Variants in SPTBN5 observed in about 807,000 individuals in gnomAD.
SPTBN5 encodes spectrin beta, non-erythrocytic 5, also known as spectrin beta chain, non-erythrocytic 5.
Under a neutral mutation model 477.6 loss-of-function variants are expected in SPTBN5, and 513 were observed. The ratio of observed to expected loss-of-function variants is 1.07; its 90% CI spans 1.00 to 1.16. The LOEUF (loss-of-function observed/expected upper bound fraction) is 1.16, where lower values mean the gene tolerates loss of function less well. Among genes scored for constraint, SPTBN5 ranks in the 50% most tolerant of loss-of-function variants. The pLI, the probability that SPTBN5 is intolerant of heterozygous loss-of-function variation, is 0.00. For synonymous variants in SPTBN5, 2,169 were observed against 2,011.7 expected, an observed-to-expected ratio of 1.08 and a Z score of -2.09; for missense variants, 5,062 against 4,731.8, an observed-to-expected ratio of 1.07 and a Z score of -2.05.
chr15:41,876,656 CGG>C lies in SPTBN5; in HGVS notation c.3852-11_3852-10del, dbSNP rs371773496. The C allele has an allele frequency of 5.7e-5, 40 of 702,900 alleles. No individual in the cohort carries two copies. Among genetic ancestry groups the C allele is most frequent in the Non-Finnish European group, 8.1e-5 (37 of 455,182 alleles). 43.5% of individuals were successfully genotyped at this position (702,900 alleles called of 1,614,324 possible). A position where few individuals can be genotyped will look rare whatever the true frequency, so the allele number is the denominator to read the frequency against. On this transcript the variant is annotated splice_polypyrimidine_tract_variant and intron_variant, in intron 19 of 67. Transcript: ENST00000320955. ...GCAGCTGCTCTCTGACCCTGGAGGG[CGG>C]GGGGGGGTTGGAGGAGGGCATGGGA...
intron 17 of SPTBN5, among the ~76,000 whole-genome samples, chr15:41,877,560 G>A (rs1482376057): frequency 6.6e-6 from 1 of 152,236 alleles, no homozygotes; most frequent in African/African-American, 2.4e-5. Context: ...GCCAACAGCC[G>A]ATGCCCGGCC....
Position 41,861,808 on chromosome 15 carries a change from T to G in SPTBN5, c.7664A>C (p.Glu2555Ala). Residue 2555 changes from glutamate (E) to alanine (A), a missense_variant, in exon 45 of 68, where the codon GAA becomes GCA. Physicochemically the swap from Glu to Ala is moderately radical, Grantham distance 107 (BLOSUM62 -1). Transcript: ENST00000320955. ...SDIRQVLAGL[E>A]QELSSLEGAW... ...CCCTTCCAGGCTGCTCAGCTCCTGT[T>G]CTAAGCCAGCCAGCACCTGGCGAAT... The G allele has an allele frequency of 6.3e-7, 1 of 1,583,194 alleles. No homozygotes were observed.
chr15:41,857,849 T>A, intron 49 of SPTBN5, 139 bp from the exon 50 acceptor site: 1 of 1,007,028 alleles, frequency 9.9e-7, no homozygotes, highest in Non-Finnish European at 1.4e-6. Flanking sequence ...TTTCTTTACC[T>A]AAGCCTCATT....
chr15:41,885,698 A>T, intron 7 of SPTBN5, 37 bp downstream of exon 7: 1 of 1,532,352 alleles, frequency 6.5e-7, no homozygotes, highest in East Asian at 2.5e-5. Context: ...GGACAGCCTC[A>T]GCCAGCTGTG....
Position 41,870,263 on chromosome 15 carries a change from G to A in SPTBN5, c.5653C>T (p.Leu1885Phe), listed in dbSNP as rs780863979. 1 of 1,551,172 alleles carries A rather than the reference G, an allele frequency of 6.4e-7. No homozygotes were observed. Among genetic ancestry groups the A allele is most frequent in the Non-Finnish European group, 8.7e-7 (1 of 1,147,566 alleles). The change falls in exon 31 of 68, where the codon CTC becomes TTC. Residue 1885 changes from leucine (L) to phenylalanine (F), a missense_variant. By Grantham distance (22) the Leu-to-Phe change is conservative (BLOSUM62 0). Coordinates refer to ENST00000320955, the MANE Select transcript of SPTBN5 (RefSeq NM_016642.4). ...CTCACCTGCCGCTCGGTGCCCACGA[G>A]TTCTCGCTCCAGCCCCTGGTGGCTT... ...LRSHQGLERE[L>F]VGTERQLQEL...
chr15:41,871,238 G>C, intron 29 of SPTBN5, 137 bp downstream of exon 29: 1 of 1,030,256 alleles, frequency 9.7e-7, no homozygotes, highest in Non-Finnish European at 1.3e-6. Context: ...TCTGGAGCTA[G>C]GCCCCCTGCA....
chr15:41,890,999 C>T (rs1305656253), intron 3 of SPTBN5, among the ~76,000 whole-genome samples: 1 of 152,242 alleles, frequency 6.6e-6, no homozygotes, highest in Non-Finnish European at 1.5e-5. Flanking sequence ...GCCGTGCCTG[C>T]TGTCTGAAAG....
At position 41,861,781 on chromosome 15, in the gene SPTBN5, G is replaced by A. The variant is rs766538885; in HGVS notation, c.7691C>T (p.Ala2564Val). 9 of 1,559,562 alleles carry A rather than the reference G, an allele frequency of 5.8e-6. No homozygotes were observed. Among genetic ancestry groups the A allele is most frequent in the African/African-American group, 4.1e-5 (3 of 73,796 alleles). Residue 2564 changes from alanine to valine, a missense_variant, in exon 45 of 68, where the codon GCC (alanine) becomes GTC (valine). By Grantham distance (64) the Ala-to-Val change is moderately conservative (BLOSUM62 0). Transcript: ENST00000320955. ...CAGCTGTAGCTGATGCTCCTGCCAG[G>A]CCCCTTCCAGGCTGCTCAGCTCCTG... ...LEQELSSLEG[A>V]WQEHQLQLQQ...
chr15:41,869,929 G>A lies in SPTBN5; in HGVS notation c.5765C>T (p.Thr1922Met), dbSNP rs777114145. The A allele has an allele frequency of 4.0e-5, 62 of 1,553,200 alleles. No individual in the cohort carries two copies. The highest frequency in any genetic ancestry group is 8.2e-5 in the African/African-American group (6 of 73,216). Residue 1922 changes from threonine (T) to methionine (M), a missense_variant, in exon 32 of 68, where the codon ACG (threonine) becomes ATG (methionine). Transcript: ENST00000320955. ...TCGCTGCAGCACTGCCCACGCCTGC[G>A]TCACAGCTTGCTGCCTCTGCTGCAC... Reference protein sequence around the residue: ...HAVQQRQQAVTQAWAVLQRRM... With the variant: ...HAVQQRQQAVMQAWAVLQRRM...
intron 16 of SPTBN5, among the ~76,000 whole-genome samples, chr15:41,878,890 A>AC (rs753999305): frequency 2.0e-5 from 3 of 151,878 alleles, no homozygotes; most frequent in Non-Finnish European, 4.4e-5. Context: ...AAACGGTGAA[A>AC]CCCCGTCTCT....
intron 66 of SPTBN5, chr15:41,850,192 G>GC (rs2065705116): frequency 4.3e-5 from 23 of 540,700 alleles, no homozygotes; most frequent in Non-Finnish European, 7.7e-5. Flanking sequence ...GAAAGGCTGA[G>GC]CCTTTCTTAG....
intron 49 of SPTBN5, 56 bp downstream of exon 49, chr15:41,858,546 G>A (rs2065995040): frequency 2.5e-6 from 4 of 1,574,614 alleles, no homozygotes; most frequent in East Asian, 2.3e-5. Context: ...CTGGGGCACT[G>A]TCCTGTGTTC....
chr15:41,866,477 T>G lies in SPTBN5; in HGVS notation c.6497A>C (p.Gln2166Pro), dbSNP rs2066317819. Residue 2166 changes from glutamine to proline, a missense_variant, in exon 37 of 68, where the codon CAG becomes CCG. Transcript: ENST00000320955. ...QAATQAEDWI[Q>P]AWAQQLKEPV... ...CTCCTTCAGCTGCTGGGCCCACGCCTGGATCCAGTCCTCAGCCTGGTGGGG... is the reference window on the plus strand; with the variant it reads ...CTCCTTCAGCTGCTGGGCCCACGCCGGGATCCAGTCCTCAGCCTGGTGGGG... The G allele has an allele frequency of 6.3e-7, 1 of 1,580,706 alleles. No individual in the cohort carries two copies. The highest frequency in any genetic ancestry group is 8.6e-7 in the Non-Finnish European group (1 of 1,165,426).
intron 41 of SPTBN5, 66 bp from the exon 42 acceptor site, chr15:41,862,969 G>T: frequency 1.4e-6 from 2 of 1,441,350 alleles, no homozygotes; most frequent in Non-Finnish European, 1.9e-6. Flanking sequence ...CTGGCAAAGG[G>T]CCCAACCAGT....
intron 41 of SPTBN5, 52 bp from the exon 42 acceptor site, chr15:41,862,955 C>G: frequency 6.6e-7 from 1 of 1,511,940 alleles, no homozygotes; most frequent in Non-Finnish European, 9.0e-7. Flanking sequence ...TCGGCTCCTC[C>G]TTCCTGGCAA....
chr15:41,853,969 T>C, intron 57 of SPTBN5, 81 bp downstream of exon 57: 4 of 1,479,176 alleles, frequency 2.7e-6, no homozygotes, highest in Non-Finnish European at 3.6e-6. Flanking sequence ...CAGGCTGGGG[T>C]GGGAGGGCTG....
chr15:41,888,909 A>C lies in SPTBN5; in HGVS notation c.502-824T>G, dbSNP rs73405242. On this transcript the variant is annotated intron_variant, in intron 4 of 67. Coordinates refer to ENST00000320955, the MANE Select transcript of SPTBN5 (RefSeq NM_016642.4). ...CGAGGCCCTGGGCCCCAGCGAGGTCAGGCCCCAGTACCCTGCATGGTGGGG... is the reference window on the plus strand; with the variant it reads ...CGAGGCCCTGGGCCCCAGCGAGGTCCGGCCCCAGTACCCTGCATGGTGGGG... Among the ~76,000 whole-genome samples, 299 of 152,330 alleles carry C rather than the reference A, an allele frequency of 2.0e-3. 1 individual carries two copies. The highest frequency in any genetic ancestry group is 6.9e-3 in the African/African-American group (285 of 41,574).
chr15:41,874,125 C>T, intron 24 of SPTBN5, 80 bp from the exon 25 acceptor site: 1 of 1,518,626 alleles, frequency 6.6e-7, no homozygotes. Context: ...GCTCCAGGCC[C>T]CAATCATGGC....
rs1407313202 is a variant in SPTBN5 at position 41,852,754 on chromosome 15, A to G, written c.10348-19T>C. ...CTGAGTGCTGGGGAGAAGCATGTTC[A>G]GGTGACGCCCAGCTTGGGGGGGGGG... On this transcript the variant is annotated intron_variant, in intron 60 of 67. Coordinates refer to ENST00000320955, the MANE Select transcript of SPTBN5 (RefSeq NM_016642.4). 1 of 1,570,696 alleles carries G rather than the reference A, an allele frequency of 6.4e-7. No individual in the cohort carries two copies. Among genetic ancestry groups the G allele is most frequent in the East Asian group, 2.2e-5 (1 of 44,802 alleles).
Sources: gnomAD v4.1 joint callset for allele counts (sites outside exome capture counted in the v4.1 genomes callset) on GRCh38, gnomAD v4.1.1 for gene constraint, MANE v1.5 for transcripts, NCBI Gene and HGNC (gene_info 2026-07-23, HGNC 2026-07-21) for gene names.